The following TREH variants were observed in gnomAD, a reference collection of about 807,000 sequenced individuals.
TREH encodes alpha,alpha-trehalose glucohydrolase.
In TREH, 69 loss-of-function variants were observed where a neutral mutation model predicts 80.5. The observed-to-expected ratio is 0.86, with a 90% confidence interval of 0.71 to 1.05. TREH has a LOEUF of 1.05. Among genes scored for constraint, TREH ranks in the 50% least tolerant of loss-of-function variants. TREH has a pLI of 0.00. For synonymous variants in TREH, 309 were observed against 293.5 expected (o/e 1.05, Z -0.54); for missense variants, 716 against 718.8 (o/e 1.00, Z 0.04).
intron 13 of TREH, 30 bp downstream of exon 13, chr11:118,658,875 G>A (rs1591826515): frequency 6.2e-7 from 1 of 1,612,520 alleles, no homozygotes; most frequent in Non-Finnish European, 8.5e-7. Context: ...GGACAGCCTG[G>A]GGGTGCAGGG....
rs1027723622 is a variant in TREH, at chr11:118,662,807, C to T, written c.423+74G>A. 8 of 1,504,492 alleles carry T rather than the reference C, an allele frequency of 5.3e-6. No individual in the cohort carries two copies. In the Admixed American group the frequency reaches 7.9e-5, roughly 15 times the overall value. 93.2% of individuals were successfully genotyped at this position (1,504,492 alleles called of 1,614,324 possible). On this transcript the variant is annotated intron_variant, in intron 4 of 14. Coordinates refer to ENST00000264029, the MANE Select transcript of TREH (RefSeq NM_007180.3). Reference sequence around the variant, plus strand: ...GGAAACCTGATCTGTGCTCCGAAGACACTGTGGGCCCCAGGCACATTCCTC... The same window carrying T: ...GGAAACCTGATCTGTGCTCCGAAGATACTGTGGGCCCCAGGCACATTCCTC...
At chr11:118,671,905 C>CAT (rs1325804802) in intron 1 of TREH, among the ~76,000 whole-genome samples, 1 of 151,976 alleles carries the variant, frequency 6.6e-6, no homozygotes, top group Non-Finnish European at 1.5e-5. Context: ...AATGGCTTAA[C>CAT]ATATTTAAAG....
chr11:118,661,905 A>G lies in TREH; in HGVS notation c.509T>C (p.Val170Ala), dbSNP rs1949327837. ...GGGCGCTCACCAGTAGTAGAACTCAACAAAGCGACCGCCAGGCACAATGAA... is the reference window on the plus strand; with the variant it reads ...GGGCGCTCACCAGTAGTAGAACTCAGCAAAGCGACCGCCAGGCACAATGAA... ...HPFIVPGGRF[V>A]EFYYWDSYWV... Residue 170 changes from valine to alanine, a missense_variant, in exon 5 of 15, where the codon GTT (valine) becomes GCT (alanine). Val to Ala is a moderately conservative substitution (Grantham distance 64). Coordinates refer to ENST00000264029, the MANE Select transcript of TREH (RefSeq NM_007180.3). The surrounding 1 kb of genome is among the most constrained non-coding windows in gnomAD (Gnocchi z 4.2). 5 of 1,556,718 alleles carry G rather than the reference A, an allele frequency of 3.2e-6. No individual in the cohort carries two copies. Among genetic ancestry groups the G allele is most frequent in the South Asian group, 2.4e-5 (2 of 84,672 alleles).
In TREH at chr11:118,663,147, G is replaced by A. The variant is rs1555145317; in HGVS notation, c.240C>T (p.Ser80=). Residue 80 remains serine (S), a synonymous_variant, in exon 3 of 15, where the codon AGC becomes AGT. Coordinates refer to ENST00000264029, the MANE Select transcript of TREH (RefSeq NM_007180.3). ...FTELSRDHNH[S]IPREQLQAFV... ...ACGCCTGCAGCTGCTCCCTGGGGAT[G>A]CTGTGATTGTGGTCCCTGGACAGCT... is the stretch of plus-strand genomic sequence containing the variant. 6.2e-7 allele frequency: 1 copy of A among 1,613,830 alleles called. No homozygotes were observed. Among genetic ancestry groups the A allele is most frequent in the Non-Finnish European group, 8.5e-7 (1 of 1,179,808 alleles).
chr11:118,679,491 C>T, intron 1 of TREH, 48 bp downstream of exon 1: 2 of 1,446,438 alleles, frequency 1.4e-6, no homozygotes, highest in Non-Finnish European at 1.8e-6. Flanking sequence ...CTCATCCCAG[C>T]CTCCCTCTTA....
chr11:118,676,483 T>C (rs1949479952), intron 1 of TREH, among the ~76,000 whole-genome samples: 1 of 146,236 alleles, frequency 6.8e-6, no homozygotes, highest in South Asian at 2.2e-4. Flanking sequence ...CAAAAAGCAA[T>C]CAGGCCAGGT....
At chr11:118,659,265 G>GA in intron 12 of TREH, 105 bp downstream of exon 12, 1 of 997,788 alleles carries the variant, frequency 1.0e-6, no homozygotes, top group Non-Finnish European at 1.4e-6. Context: ...CGAGAGAAAG[G>GA]ATACGGGGCC....
At chr11:118,669,628 G>A (rs1215936031) in intron 1 of TREH, among the ~76,000 whole-genome samples, 2 of 152,192 alleles carry the variant, frequency 1.3e-5, no homozygotes, top group Non-Finnish European at 2.9e-5. Flanking sequence ...TCACTTATTT[G>A]TGGGAGCTTA....
chr11:118,658,385 G>T lies in TREH; in HGVS notation c.1656C>A (p.Asp552Glu). ...VVLMLLDRYG[D>E]RLTSGAKLAF... ...CCAGCTTGGCCCCTGAGGTCAGCCG[G>T]TCACCATAGCGGTCCAGCAGCATCA... is the stretch of plus-strand genomic sequence containing the variant. The change falls in exon 15 of 15, where the codon GAC becomes GAA. Residue 552 changes from aspartate (D) to glutamate (E), a missense_variant. Physicochemically the swap from Asp to Glu is conservative, Grantham distance 45. Coordinates refer to ENST00000264029, the MANE Select transcript of TREH (RefSeq NM_007180.3). The T allele has an allele frequency of 6.2e-7, 1 of 1,609,856 alleles. No individual in the cohort carries two copies. The highest frequency in any genetic ancestry group is 8.5e-7 in the Non-Finnish European group (1 of 1,178,736).
In TREH at chr11:118,658,915, A is replaced by G. The variant is rs556006762; in HGVS notation, c.1535T>C (p.Met512Thr). 2.5e-4 allele frequency: 405 copies of G among 1,613,740 alleles called. 3 individuals are homozygous for G. The highest frequency in any genetic ancestry group is 3.2e-4 in the Admixed American group (19 of 59,990). The change falls in exon 13 of 15, where the codon ATG becomes ACG. Residue 512 changes from methionine (M) to threonine (T), a missense_variant. Met to Thr is a moderately conservative substitution (Grantham distance 81). Transcript: ENST00000264029. ...CTTGGGCCAGCTCACCTTCTCATACATGGCTGACTTCTGCGAGTAGACATC... is the reference window on the plus strand; with the variant it reads ...CTTGGGCCAGCTCACCTTCTCATACGTGGCTGACTTCTGCGAGTAGACATC... ...NFDVYSQKSAMYEKYDVSNGG... is the reference protein window; with the variant it reads ...NFDVYSQKSATYEKYDVSNGG...
chr11:118,672,713 CAA>C (rs58199596), intron 1 of TREH, among the ~76,000 whole-genome samples: 13 of 43,968 alleles, frequency 3.0e-4, no homozygotes, highest in African/African-American at 1.1e-3. Flanking sequence ...GACTCCATCT[CAA>C]AAAAAAAAAA....
chr11:118,663,475 A>G (rs1555145420), intron 1 of TREH, 36 bp from the exon 2 acceptor site: 1 of 1,495,340 alleles, frequency 6.7e-7, no homozygotes, highest in Non-Finnish European at 9.1e-7. Flanking sequence ...TCAGGTCACC[A>G]CCACCACCCC....
chr11:118,665,217 C>T (rs1243860929), intron 1 of TREH, among the ~76,000 whole-genome samples: 5 of 152,060 alleles, frequency 3.3e-5, no homozygotes, highest in African/African-American at 9.7e-5. Flanking sequence ...AGAGGGAGGG[C>T]GGAGTTGTTG....
intron 2 of TREH, 34 bp from the exon 3 acceptor site, chr11:118,663,230 G>T (rs536905035): frequency 1.3e-6 from 2 of 1,572,154 alleles, no homozygotes; most frequent in Admixed American, 1.9e-5. Flanking sequence ...GGTCAGCAGG[G>T]TGTCACAAGC....
Position 118,661,628 on chromosome 11 carries a change from C to G in TREH, c.617+9G>C. ...CCCACCTAGGCTGGAGGTGCCTGGC[C>G]CCCCTCACGTTTTCACCAGGTCCAA... On this transcript the variant is annotated intron_variant, in intron 6 of 14. Transcript: ENST00000264029. The surrounding 1 kb of genome is among the most constrained non-coding windows in gnomAD (Gnocchi z 4.2). The G allele has an allele frequency of 6.2e-7, 1 of 1,613,916 alleles. No individual in the cohort carries two copies. The highest frequency in any genetic ancestry group is 8.5e-7 in the Non-Finnish European group (1 of 1,179,866).
At position 118,659,099 on chromosome 11, in the gene TREH, G is replaced by A. The variant is rs1403321479; in HGVS notation, c.1433-82C>T. On this transcript the variant is annotated intron_variant, in intron 12 of 14. Transcript: ENST00000264029. ...GTGGCTGCACCCTACTCTCCCCAAGGAGGGAAAGAGGCCTGGGCCCTAAGA... is the reference window on the plus strand; with the variant it reads ...GTGGCTGCACCCTACTCTCCCCAAGAAGGGAAAGAGGCCTGGGCCCTAAGA... The A allele has an allele frequency of 6.7e-5, 93 of 1,389,090 alleles. 1 individual carries two copies. Among genetic ancestry groups the A allele is most frequent in the Admixed American group, 3.5e-4 (19 of 54,748 alleles). 86.0% of individuals were successfully genotyped at this position (1,389,090 alleles called of 1,614,324 possible). A position where few individuals can be genotyped will look rare whatever the true frequency, so the allele number is the denominator to read the frequency against.
chr11:118,665,150 G>A (rs1555145570), intron 1 of TREH, among the ~76,000 whole-genome samples: 2 of 152,040 alleles, frequency 1.3e-5, no homozygotes, highest in Non-Finnish European at 2.9e-5. Context: ...AGCTTGAGAG[G>A]AGCAAAGGGA....
rs908843954 is a variant in TREH, at chr11:118,661,038, G to T, written c.857+122C>A. On this transcript the variant is annotated intron_variant, in intron 8 of 14. Coordinates refer to ENST00000264029, the MANE Select transcript of TREH (RefSeq NM_007180.3). The surrounding 1 kb of genome is among the most constrained non-coding windows in gnomAD (Gnocchi z 4.2). ...GCCCCACAGCCCAGGATTGCAGAGG[G>T]CTCTCGGTGTCACCATCTGAGAGGC... 6 of 1,558,842 alleles carry T rather than the reference G, an allele frequency of 3.8e-6. No individual in the cohort carries two copies. The highest frequency in any genetic ancestry group is 3.7e-5 in the Admixed American group (2 of 53,342).
rs1949280502 is a variant in TREH, at chr11:118,659,438, A to G, written c.1364T>C (p.Leu455Pro). Reference sequence around the variant, plus strand: ...ATCCCACTGCTGGCCTGTCTTCTGGAGAGAGGTCGGGATCCCATACTGGTA... The same window carrying G: ...ATCCCACTGCTGGCCTGTCTTCTGGGGAGAGGTCGGGATCCCATACTGGTA... The part of the protein sequence containing the change: ...LTYQYGIPTS[L>P]QKTGQQWDFP... The change falls in exon 12 of 15, where the codon CTC (leucine) becomes CCC (proline). Residue 455 changes from leucine to proline, a missense_variant. Leu to Pro is a moderately conservative substitution (Grantham distance 98, BLOSUM62 -3). Coordinates refer to ENST00000264029, the MANE Select transcript of TREH (RefSeq NM_007180.3). 3 of 1,607,376 alleles carry G rather than the reference A, an allele frequency of 1.9e-6. No individual in the cohort carries two copies. The highest frequency in any genetic ancestry group is 1.7e-4 in the Middle Eastern group (1 of 6,038).
Sources: allele counts gnomAD v4.1 joint callset (sites outside exome capture counted in the v4.1 genomes callset), GRCh38; gene constraint gnomAD v4.1.1; non-coding constraint Gnocchi (gnomAD v3.1); transcripts MANE v1.5; gene names NCBI Gene and HGNC (gene_info 2026-07-23, HGNC 2026-07-21).